PCNX2: variants seen among roughly 807,000 people sequenced by gnomAD.
PCNX2 encodes the protein pecanex 2.
A neutral mutation model predicts 223.8 loss-of-function variants in PCNX2; 168 were observed. The ratio of observed to expected loss-of-function variants is 0.75; its 90% CI spans 0.66 to 0.85. The LOEUF is 0.85. PCNX2 is among the 40% of genes least tolerant of loss of function. The pLI is 0.00. For synonymous variants in PCNX2, 1,006 were observed against 1,052.6 expected (o/e 0.96, Z 0.86); for missense variants, 2,507 against 2,675.5 (o/e 0.94, Z 1.39).
chr1:233,249,917 G>T (rs1331450288), intron 8 of PCNX2, among the ~76,000 whole-genome samples: 1 of 152,162 alleles, frequency 6.6e-6, no homozygotes, highest in Admixed American at 6.5e-5. Context: ...CCCTCCCCCT[G>T]AATTTCCCAT....
At chr1:232,994,144 G>A (rs187629948) in intron 32 of PCNX2, among the ~76,000 whole-genome samples, 4 of 152,332 alleles carry the variant, frequency 2.6e-5, no homozygotes, top group Admixed American at 6.5e-5. Flanking sequence ...ATCCCAGAAA[G>A]GTAGATACAC....
chr1:233,198,094 C>A (rs1680841709), intron 15 of PCNX2, among the ~76,000 whole-genome samples: 1 of 132,112 alleles, frequency 7.6e-6, no homozygotes, highest in African/African-American at 2.6e-5. Flanking sequence ...GGTCTCCCCA[C>A]CTACACAAAC....
At chr1:233,100,273 C>T (rs772775326) in intron 21 of PCNX2, among the ~76,000 whole-genome samples, 1 of 151,928 alleles carries the variant, frequency 6.6e-6, no homozygotes, top group South Asian at 2.1e-4. Context: ...ATTAGCCGAG[C>T]GTGGTGGCTC....
intron 1 of PCNX2, chr1:233,285,002 A>C: frequency 2.0e-6 from 2 of 984,978 alleles, no homozygotes; most frequent in Non-Finnish European, 2.4e-6. Context: ...AATGAGCAGG[A>C]CCCCCTGCTA....
chr1:233,198,840 G>A (rs1054147419), intron 15 of PCNX2, 99 bp downstream of exon 15: 20 of 1,189,578 alleles, frequency 1.7e-5, no homozygotes, highest in Middle Eastern at 2.7e-4. Flanking sequence ...GCACAGATCC[G>A]ATTTCTCTTG....
intron 1 of PCNX2, chr1:233,289,477 C>A: frequency 4.1e-6 from 4 of 980,096 alleles, no homozygotes; most frequent in Non-Finnish European, 6.5e-6. Context: ...TTGCCGAGCG[C>A]CGGCTTAGGA....
chr1:233,153,778 AG>A (rs2102807095), intron 19 of PCNX2, among the ~76,000 whole-genome samples: 1 of 152,312 alleles, frequency 6.6e-6, no homozygotes, highest in African/African-American at 2.4e-5. Context: ...GAAATGGGGC[AG>A]GAGGGTGGAG....
At chr1:233,208,474 C>G (rs779675838) in intron 13 of PCNX2, 44 bp downstream of exon 13, 5 of 1,556,898 alleles carry the variant, frequency 3.2e-6, no homozygotes. Context: ...GGAGACATAC[C>G]CCCAACCCCC....
At chr1:233,024,321 G>A (rs367838710) in intron 26 of PCNX2, among the ~76,000 whole-genome samples, 7 of 152,230 alleles carry the variant, frequency 4.6e-5, no homozygotes, top group African/African-American at 1.7e-4. Context: ...CACCTGTCTC[G>A]GCACGCTGGC....
At chr1:233,235,957 A>AAAAAAAATATATATATATAT (rs369886650) in intron 9 of PCNX2, among the ~76,000 whole-genome samples, 3 of 93,106 alleles carry the variant, frequency 3.2e-5, no homozygotes, top group African/African-American at 1.2e-4. Context: ...CATAAAAAAA[A>AAAAAAAATATATATATATAT]ATATATATAT....
chr1:233,085,873 A>T (rs985386184), intron 23 of PCNX2, among the ~76,000 whole-genome samples: 1 of 152,132 alleles, frequency 6.6e-6, no homozygotes, highest in Admixed American at 6.5e-5. Context: ...CACCTTTATA[A>T]GGGTCTCCAA....
In PCNX2 at chr1:233,001,284, A is replaced by C. The variant is rs1670074477; in HGVS notation, c.5097+253T>G. Among the ~76,000 whole-genome samples, 1 of 152,160 alleles carries C rather than the reference A, an allele frequency of 6.6e-6. No homozygotes were observed. The highest frequency in any genetic ancestry group is 1.5e-5 in the Non-Finnish European group (1 of 68,032). On this transcript the variant is annotated intron_variant, in intron 29 of 33. Transcript: ENST00000258229. This position sits in a 1 kb window ranked among gnomAD's most constrained non-coding sequence, Gnocchi z 4.2. Reference sequence around the variant, plus strand: ...CACTTAAGGTCGGGAGTTCGAGATCAGCCTGACCAACATGGAGAAACCCCA... The same window carrying C: ...CACTTAAGGTCGGGAGTTCGAGATCCGCCTGACCAACATGGAGAAACCCCA...
At chr1:232,994,282 A>T (rs1669802216) in intron 32 of PCNX2, among the ~76,000 whole-genome samples, 2 of 152,256 alleles carry the variant, frequency 1.3e-5, no homozygotes, top group African/African-American at 4.8e-5. Flanking sequence ...CACCAGTGTG[A>T]CCTGGACATG....
chr1:233,152,540 A>T (rs1375385335), intron 19 of PCNX2, among the ~76,000 whole-genome samples: 1 of 152,222 alleles, frequency 6.6e-6, no homozygotes, highest in Non-Finnish European at 1.5e-5. Flanking sequence ...CTCTCATGCC[A>T]TGTTACTTTA....
At chr1:233,024,453 A>C (rs1671012789) in intron 26 of PCNX2, among the ~76,000 whole-genome samples, 1 of 152,058 alleles carries the variant, frequency 6.6e-6, no homozygotes, top group East Asian at 1.9e-4. Context: ...CCAGAATAGG[A>C]CCCACAGCGA....
At chr1:233,289,687 G>C (rs1558429929) in intron 1 of PCNX2, among the ~76,000 whole-genome samples, 1 of 152,222 alleles carries the variant, frequency 6.6e-6, no homozygotes, top group Admixed American at 6.5e-5. Context: ...CAAGGTTCTG[G>C]GAGTCAAAGG....
At chr1:233,271,112 TAAAC>T (rs1479266704) in intron 1 of PCNX2, among the ~76,000 whole-genome samples, 1 of 152,174 alleles carries the variant, frequency 6.6e-6, no homozygotes, top group Non-Finnish European at 1.5e-5. Flanking sequence ...TACACTGAGA[TAAAC>T]AGAATGAATC....
intron 23 of PCNX2, among the ~76,000 whole-genome samples, chr1:233,080,920 C>A (rs775764367): frequency 6.6e-6 from 1 of 152,154 alleles, no homozygotes; most frequent in Admixed American, 6.5e-5. Context: ...CCTGAAGACT[C>A]CCTGTTAGCT....
chr1:233,170,802 C>T (rs767744497), intron 17 of PCNX2, among the ~76,000 whole-genome samples: 215 of 152,100 alleles, frequency 1.4e-3, no homozygotes, highest in Non-Finnish European at 2.3e-3. Context: ...TTTAGTTTTC[C>T]GTTTTTCCCT....
Sources: gnomAD v4.1 joint callset for allele counts (sites outside exome capture counted in the v4.1 genomes callset) on GRCh38, gnomAD v4.1.1 for gene constraint, Gnocchi (gnomAD v3.1) non-coding constraint, MANE v1.5 for transcripts, NCBI Gene and HGNC (gene_info 2026-07-23, HGNC 2026-07-21) for gene names.